Variants in SPRED2 observed in about 807,000 individuals in gnomAD.
SPRED2 encodes sprouty-related, EVH1 domain-containing protein 2.
SPRED2 carries 47 observed loss-of-function variants against 43.0 expected under a neutral mutation model. The observed-to-expected ratio is 1.09, with a 90% CI of 0.87 to 1.40. The LOEUF is 1.40. SPRED2 is among the 40% of genes most tolerant of loss of function. The pLI, the probability that SPRED2 is intolerant of heterozygous loss-of-function variation, is 0.00. For missense variants in SPRED2, 561 were observed against 586.4 expected (o/e 0.96, Z 0.45); for synonymous variants, 225 against 225.7 (o/e 1.00, Z 0.03).
chr2:65,314,034 C>T lies in SPRED2; in HGVS notation c.724G>A (p.Asp242Asn). 1 of 1,614,104 alleles carries T rather than the reference C, an allele frequency of 6.2e-7. No individual in the cohort carries two copies. The highest frequency in any genetic ancestry group is 8.5e-7 in the Non-Finnish European group (1 of 1,180,020). The change falls in exon 6 of 6, where the codon GAC becomes AAC. Residue 242 changes from aspartate to asparagine, a missense_variant. Asp to Asn is a conservative substitution (Grantham distance 23). Transcript: ENST00000356388. ...RHAPVRGKYPDPSEDADSSYV... is the reference protein window; with the variant it reads ...RHAPVRGKYPNPSEDADSSYV... ...GAGGAGTCCGCGTCCTCCGAGGGGT[C>T]CGGGTACTTGCCCCTGACGGGTGCG...
rs558205540 is a variant in SPRED2, at chr2:65,359,185, T to G, written c.27-14289A>C. ...TGCAATGGATTCTTGACTAGTTGAC[T>G]ACACAGAGGGACAGGATTTGTCCTA... On this transcript the variant is annotated intron_variant, in intron 1 of 5. Coordinates refer to ENST00000356388, the MANE Select transcript of SPRED2 (RefSeq NM_181784.3). Among the ~76,000 whole-genome samples, 32 of 152,312 alleles carry G rather than the reference T, an allele frequency of 2.1e-4. No individual in the cohort carries two copies. The South Asian group carries it at 6.6e-3, about 32-fold the overall frequency.
At chr2:65,331,473 C>T (rs1673809924) in intron 4 of SPRED2, among the ~76,000 whole-genome samples, 2 of 152,212 alleles carry the variant, frequency 1.3e-5, no homozygotes, top group Non-Finnish European at 2.9e-5. Flanking sequence ...CGTTAGCACA[C>T]TTGGGCCTAA....
chr2:65,410,028 CG>C (rs1348435149), intron 1 of SPRED2, among the ~76,000 whole-genome samples: 2 of 130,234 alleles, frequency 1.5e-5, no homozygotes, highest in Admixed American at 8.4e-5. Flanking sequence ...GACTCTGCCT[CG>C]GAAAAAAAAA....
At chr2:65,386,280 T>C (rs2103666554) in intron 1 of SPRED2, among the ~76,000 whole-genome samples, 1 of 100,142 alleles carries the variant, frequency 1.0e-5, no homozygotes, top group African/African-American at 3.8e-5. Context: ...AGTGAGACTC[T>C]GTCTCAAAAA....
chr2:65,385,624 G>A (rs1675477465), intron 1 of SPRED2, among the ~76,000 whole-genome samples: 2 of 152,278 alleles, frequency 1.3e-5, no homozygotes, highest in Admixed American at 6.5e-5. Flanking sequence ...GAGGAAGAAG[G>A]TCATCTGATG....
At chr2:65,427,329 G>C (rs917821708) in intron 1 of SPRED2, among the ~76,000 whole-genome samples, 1 of 152,080 alleles carries the variant, frequency 6.6e-6, no homozygotes, top group African/African-American at 2.4e-5. Context: ...CTCCAGGCCT[G>C]GGTCTCCAGT....
Position 65,360,069 on chromosome 2 carries a change from AAAAAAAAAAC to A in SPRED2, c.27-15183_27-15174del, listed in dbSNP as rs1477529311. Among the ~76,000 whole-genome samples, 77 of 123,156 alleles carry A rather than the reference AAAAAAAAAAC, an allele frequency of 6.3e-4. 1 individual carries two copies. Among genetic ancestry groups the A allele is most frequent in the African/African-American group, 9.8e-4 (35 of 35,750 alleles). The allele number at this position is 123,156 out of a possible 152,430, so 80.8% of individuals were successfully genotyped here. A position where few individuals can be genotyped will look rare whatever the true frequency, so the allele number is the denominator to read the frequency against. ...GACAGAGCGAGACTCCATCTCAAAA[AAAAAAAAAAC>A]AAAAAAAAACAAAAAAAAAACAAAA... On this transcript the variant is annotated intron_variant, in intron 1 of 5. Transcript: ENST00000356388.
intron 2 of SPRED2, among the ~76,000 whole-genome samples, chr2:65,337,147 C>A (rs1673990463): frequency 6.6e-6 from 1 of 152,002 alleles, no homozygotes; most frequent in African/African-American, 2.4e-5. Context: ...GTTCAGCCAC[C>A]TAAATTAAGT....
chr2:65,429,518 CAAT>C (rs1467955073), intron 1 of SPRED2, among the ~76,000 whole-genome samples: 1 of 152,098 alleles, frequency 6.6e-6, no homozygotes, highest in Non-Finnish European at 1.5e-5. Context: ...CAGCAAACAA[CAAT>C]AAAACAACAA....
chr2:65,333,677 C>T (rs1324132741), intron 3 of SPRED2, among the ~76,000 whole-genome samples: 1 of 152,166 alleles, frequency 6.6e-6, no homozygotes, highest in African/African-American at 2.4e-5. Flanking sequence ...GATTTGAACA[C>T]TGGTTTTTAT....
At chr2:65,363,168 G>A (rs1413950764) in intron 1 of SPRED2, among the ~76,000 whole-genome samples, 3 of 150,848 alleles carry the variant, frequency 2.0e-5, no homozygotes, top group Non-Finnish European at 2.9e-5. Context: ...GAACTTGGGA[G>A]GCGTAGGTTG....
intron 1 of SPRED2, among the ~76,000 whole-genome samples, chr2:65,371,051 C>T (rs1375548852): frequency 6.6e-6 from 1 of 152,184 alleles, no homozygotes. Context: ...CAGTGAGGGC[C>T]TTCAGAAATG....
At chr2:65,406,802 G>C (rs1377142057) in intron 1 of SPRED2, among the ~76,000 whole-genome samples, 3 of 152,234 alleles carry the variant, frequency 2.0e-5, no homozygotes, top group African/African-American at 7.2e-5. Flanking sequence ...CACTTCCTTA[G>C]AGATAAAATC....
chr2:65,421,476 T>A (rs1676420646), intron 1 of SPRED2, among the ~76,000 whole-genome samples: 3 of 152,160 alleles, frequency 2.0e-5, no homozygotes. Context: ...TTACCAGATT[T>A]CCCCAGGGAA....
intron 1 of SPRED2, among the ~76,000 whole-genome samples, chr2:65,354,175 G>T (rs1342490245): frequency 6.6e-6 from 1 of 152,236 alleles, no homozygotes; most frequent in Non-Finnish European, 1.5e-5. Context: ...CCGAGCCTGG[G>T]AGCCCTGAGT....
At chr2:65,314,232 A>C in intron 5 of SPRED2, 63 bp from the exon 6 acceptor site, 1 of 1,465,274 alleles carries the variant, frequency 6.8e-7, no homozygotes, top group Non-Finnish European at 9.1e-7. Context: ...AAACAAAAAA[A>C]CACCCCACCT....
chr2:65,385,730 T>C (rs1297358704), intron 1 of SPRED2, among the ~76,000 whole-genome samples: 1 of 152,118 alleles, frequency 6.6e-6, no homozygotes, highest in African/African-American at 2.4e-5. Flanking sequence ...TCTCATTTCT[T>C]TGGAAATGAT....
intron 2 of SPRED2, among the ~76,000 whole-genome samples, chr2:65,341,345 T>G (rs1361805644): frequency 6.5e-5 from 9 of 139,290 alleles, no homozygotes; most frequent in African/African-American, 1.9e-4. Flanking sequence ...GGAAAAGGGG[T>G]GGGGAAATGG....
intron 4 of SPRED2, among the ~76,000 whole-genome samples, chr2:65,322,561 G>A (rs1177786688): frequency 6.6e-6 from 1 of 151,890 alleles, no homozygotes; most frequent in Non-Finnish European, 1.5e-5. Flanking sequence ...CCAAAGTGCT[G>A]GGATTACAGG....
Sources: gnomAD v4.1 joint callset for allele counts (sites outside exome capture counted in the v4.1 genomes callset) on GRCh38, gnomAD v4.1.1 for gene constraint, MANE v1.5 for transcripts, NCBI Gene and HGNC (gene_info 2026-07-23, HGNC 2026-07-21) for gene names.